Variants in RXRB observed in about 807,000 individuals in gnomAD.
The protein encoded by RXRB is retinoic acid receptor RXR-beta.
A neutral mutation model predicts 52.5 loss-of-function variants in RXRB; 18 were observed. That is an observed-to-expected ratio of 0.34 (90% CI 0.24 to 0.51). The LOEUF (loss-of-function observed/expected upper bound fraction) is 0.51. Among genes scored for constraint, RXRB ranks in the 20% least tolerant of loss-of-function variants. RXRB has a pLI of 0.97. For missense variants in RXRB, 455 were observed against 698.2 expected, an observed-to-expected ratio of 0.65 and a Z score of 3.92; for synonymous variants, 233 against 267.1, an observed-to-expected ratio of 0.87 and a Z score of 1.25.
Position 33,195,386 on chromosome 6 carries a change from C to T in RXRB, c.1325G>A (p.Arg442Lys). The T allele has an allele frequency of 6.2e-7, 1 of 1,611,746 alleles. No homozygotes were observed. Among genetic ancestry groups the T allele is most frequent in the Non-Finnish European group, 8.5e-7 (1 of 1,178,812 alleles). Residue 442 changes from arginine (R) to lysine (K), a missense_variant, in exon 8 of 10, where the codon AGG (arginine) becomes AAG (lysine). Physicochemically the swap from Arg to Lys is conservative, Grantham distance 26. Coordinates refer to ENST00000374680, the MANE Select transcript of RXRB (RefSeq NM_021976.5). This position sits in a 1 kb window ranked among gnomAD's most constrained non-coding sequence, Gnocchi z 8.6. The part of the protein sequence containing the change: ...RMDKTELGCL[R>K]AIILFNPDAK... The stretch of plus-strand genomic sequence containing the variant: ...ACCTGGATTAAACAGAATGATTGCC[C>T]TCAGGCAGCCAAGCTCTGTCTTGTC...
Position 33,194,477 on chromosome 6 carries a change from C to T in RXRB, c.*205G>A. 1 of 547,784 alleles carries T rather than the reference C, an allele frequency of 1.8e-6. No individual in the cohort carries two copies. Among genetic ancestry groups the T allele is most frequent in the East Asian group, 3.0e-5 (1 of 33,440 alleles). 33.9% of individuals were successfully genotyped at this position (547,784 alleles called of 1,614,324 possible). A position where few individuals can be genotyped will look rare whatever the true frequency, so the allele number is the denominator to read the frequency against. On this transcript the variant is annotated 3_prime_UTR_variant, in exon 10 of 10. Coordinates refer to ENST00000374680, the MANE Select transcript of RXRB (RefSeq NM_021976.5). The surrounding 1 kb of genome is among the most constrained non-coding windows in gnomAD (Gnocchi z 4.1). The stretch of plus-strand genomic sequence containing the variant: ...GAGACTCAAGGCCACCGAAGAGAGA[C>T]AACCAGTCCTCACAGGTATCTGGGG...
At chr6:33,200,831 G>C, upstream of RXRB, 13 of 1,512,278 alleles carry the variant, frequency 8.6e-6, no homozygotes, top group Non-Finnish European at 1.2e-5. The surrounding 1 kb of genome is among the most constrained non-coding windows in gnomAD (Gnocchi z 6.3). Flanking sequence ...CCGCCATATT[G>C]GTAAAGGCAT....
rs1467585309 is a variant in RXRB at position 33,200,118 on chromosome 6, G to A, written c.235+124C>T. The A allele has an allele frequency of 7.5e-7, 1 of 1,338,188 alleles. No individual in the cohort carries two copies. The highest frequency in any genetic ancestry group is 1.1e-6 in the Non-Finnish European group (1 of 944,736). The allele number at this position is 1,338,188 out of a possible 1,614,324, so 82.9% of individuals were successfully genotyped here. Reference sequence around the variant, plus strand: ...AGGGTGCTAAGGCCCTCGGGAGGGAGGGGACGCGTGTTTACAAACAAGGGG... The same window carrying A: ...AGGGTGCTAAGGCCCTCGGGAGGGAAGGGACGCGTGTTTACAAACAAGGGG... On this transcript the variant is annotated intron_variant, in intron 1 of 9. Transcript: ENST00000374680. The surrounding 1 kb of genome is among the most constrained non-coding windows in gnomAD (Gnocchi z 6.3).
chr6:33,196,056 G>T lies in RXRB; in HGVS notation c.994-20C>A, dbSNP rs747529817. On this transcript the variant is annotated intron_variant, in intron 5 of 9. Transcript: ENST00000374680. The surrounding 1 kb of genome is among the most constrained non-coding windows in gnomAD (Gnocchi z 4.0). ...ATTTGGCTGCAGGGGACGGGGGTAA[G>T]AGTTATGGAAGATTTTGAGATATGC... 20 of 1,612,616 alleles carry T rather than the reference G, an allele frequency of 1.2e-5. No individual in the cohort carries two copies. Among genetic ancestry groups the T allele is most frequent in the Non-Finnish European group, 1.7e-5 (20 of 1,179,708 alleles).
At position 33,195,253 on chromosome 6, in the gene RXRB, C is replaced by T; in HGVS notation, c.1348+110G>A. ...TTTCCTCGGCCAGTTGGGAGATTTC[C>T]AGGTTGAGGGTCTTACTGAGGGGGA... On this transcript the variant is annotated intron_variant, in intron 8 of 9. Transcript: ENST00000374680. This position sits in a 1 kb window ranked among gnomAD's most constrained non-coding sequence, Gnocchi z 8.6. 1 of 830,736 alleles carries T rather than the reference C, an allele frequency of 1.2e-6. No individual in the cohort carries two copies. Among genetic ancestry groups the T allele is most frequent in the Non-Finnish European group, 2.0e-6 (1 of 489,124 alleles). The allele number at this position is 830,736 out of a possible 1,614,324, so 51.5% of individuals were successfully genotyped here. A position where few individuals can be genotyped will look rare whatever the true frequency, so the allele number is the denominator to read the frequency against.
rs544921396 is a variant in RXRB at position 33,200,006 on chromosome 6, C to T, written c.235+236G>A. ...GGTTTAAGAGGAATCGTGCCCTTCC[C>T]AGGCCCGCGACCTCCGGTGCCCAAG... On this transcript the variant is annotated intron_variant, in intron 1 of 9. Transcript: ENST00000374680. The surrounding 1 kb of genome is among the most constrained non-coding windows in gnomAD (Gnocchi z 6.3). 2.1e-5 allele frequency: 16 copies of T among 775,210 alleles called. No homozygotes were observed. In the East Asian group the frequency reaches 3.9e-4, roughly 19 times the overall value. 48.0% of individuals were successfully genotyped at this position (775,210 alleles called of 1,614,324 possible).
At position 33,195,489 on chromosome 6, in the gene RXRB, A is replaced by G; in HGVS notation, c.1257-35T>C. On this transcript the variant is annotated intron_variant, in intron 7 of 9. Coordinates refer to ENST00000374680, the MANE Select transcript of RXRB (RefSeq NM_021976.5). The surrounding 1 kb of genome is among the most constrained non-coding windows in gnomAD (Gnocchi z 8.6). ...GACCTGCAGGTCACTCAAAGGTCAC[A>G]GCTCAGCCAGCCTTGGACACGGACC... 6.2e-7 allele frequency: 1 copy of G among 1,612,326 alleles called. No homozygotes were observed. The highest frequency in any genetic ancestry group is 8.5e-7 in the Non-Finnish European group (1 of 1,179,342).
At position 33,197,453 on chromosome 6, in the gene RXRB, G is replaced by A. The variant is rs541254482; in HGVS notation, c.820+309C>T. The stretch of plus-strand genomic sequence containing the variant: ...AGACAGAGACCAGAGAAGGTCCATG[G>A]AATCAGAGGAGGAACCACTCAGGTT... On this transcript the variant is annotated intron_variant, in intron 4 of 9. Coordinates refer to ENST00000374680, the MANE Select transcript of RXRB (RefSeq NM_021976.5). The surrounding 1 kb of genome is among the most constrained non-coding windows in gnomAD (Gnocchi z 4.4). 2.0e-5 allele frequency among the ~76,000 whole-genome samples: 3 copies of A among 152,322 alleles called. No individual in the cohort carries two copies. In the South Asian group the frequency reaches 6.2e-4, roughly 32 times the overall value.
rs1432568488 is a variant in RXRB at position 33,195,980 on chromosome 6, A to G, written c.1050T>C (p.Leu350=). 6.2e-7 allele frequency: 1 copy of G among 1,612,962 alleles called. No homozygotes were observed. Among genetic ancestry groups the G allele is most frequent in the Non-Finnish European group, 8.5e-7 (1 of 1,180,056 alleles). ...GTGGGATCCTCTTCGCCCACTCAAC[A>G]AGCGTGAATAGCTGTTTGTCAGCTG... ...CQAADKQLFT[L]VEWAKRIPHF... Residue 350 remains leucine (L), a synonymous_variant, in exon 6 of 10, where the codon CTT becomes CTC. Coordinates refer to ENST00000374680, the MANE Select transcript of RXRB (RefSeq NM_021976.5). The surrounding 1 kb of genome is among the most constrained non-coding windows in gnomAD (Gnocchi z 8.6).
At position 33,194,094 on chromosome 6, in the gene RXRB, C is replaced by G. The variant is rs1773668064; in HGVS notation, c.*588G>C. On this transcript the variant is annotated 3_prime_UTR_variant, in exon 10 of 10. Coordinates refer to ENST00000374680, the MANE Select transcript of RXRB (RefSeq NM_021976.5). The surrounding 1 kb of genome is among the most constrained non-coding windows in gnomAD (Gnocchi z 4.1). ...GATCGGTTCCTACATCTCCACCAGCCCCTTCACCACCACCACCACCTTTTT... is the reference window on the plus strand; with the variant it reads ...GATCGGTTCCTACATCTCCACCAGCGCCTTCACCACCACCACCACCTTTTT... 6.6e-6 allele frequency: 1 copy of G among 152,438 alleles called. No individual in the cohort carries two copies. Among genetic ancestry groups the G allele is most frequent in the Non-Finnish European group, 1.5e-5 (1 of 68,214 alleles). The allele number at this position is 152,438 out of a possible 1,614,324, so 9.4% of individuals were successfully genotyped here.
rs1420593294 is a variant in RXRB, at chr6:33,197,565, A to AG, written c.820+196dup. Among the ~76,000 whole-genome samples the AG allele has an allele frequency of 6.6e-6, 1 of 152,262 alleles. No homozygotes were observed. Among genetic ancestry groups the AG allele is most frequent in the Non-Finnish European group, 1.5e-5 (1 of 68,034 alleles). Reference sequence around the variant, plus strand: ...GGGAGGGGTCATATGTGCAGGCCACAGAGGCCTAACCATTAAGAAGGAAAC... The same window carrying AG: ...GGGAGGGGTCATATGTGCAGGCCACAGGAGGCCTAACCATTAAGAAGGAAAC... On this transcript the variant is annotated intron_variant, in intron 4 of 9. Coordinates refer to ENST00000374680, the MANE Select transcript of RXRB (RefSeq NM_021976.5). This position sits in a 1 kb window ranked among gnomAD's most constrained non-coding sequence, Gnocchi z 4.4.
chr6:33,195,121 A>G lies in RXRB; in HGVS notation c.1349-71T>C. The G allele has an allele frequency of 8.7e-7, 1 of 1,155,452 alleles. No individual in the cohort carries two copies. Among genetic ancestry groups the G allele is most frequent in the Non-Finnish European group, 1.3e-6 (1 of 769,498 alleles). 71.6% of individuals were successfully genotyped at this position (1,155,452 alleles called of 1,614,324 possible). A position where few individuals can be genotyped will look rare whatever the true frequency, so the allele number is the denominator to read the frequency against. ...AAATCAGGATGGCCATGCAGATGTG[A>G]GCCACAGGATGCCCCTTTTGGGCTG... On this transcript the variant is annotated intron_variant, in intron 8 of 9. Transcript: ENST00000374680. This position sits in a 1 kb window ranked among gnomAD's most constrained non-coding sequence, Gnocchi z 8.6.
At position 33,200,441 on chromosome 6, in the gene RXRB, C is replaced by T. The variant is rs763300024; in HGVS notation, c.36G>A (p.Gln12=). 3 of 1,592,222 alleles carry T rather than the reference C, an allele frequency of 1.9e-6. No homozygotes were observed. The East Asian group carries it at 6.8e-5, about 36-fold the overall frequency. ...SWAARPPFLP[Q]RHAAGQCGPV... ...GCCCACACTGCCCTGCGGCATGCCG[C>T]TGAGGGAGGAAGGGCGGGCGAGCGG... is the stretch of plus-strand genomic sequence containing the variant. The change falls in exon 1 of 10, where the codon CAG becomes CAA. Residue 12 remains glutamine (Q), a synonymous_variant. Transcript: ENST00000374680. This position sits in a 1 kb window ranked among gnomAD's most constrained non-coding sequence, Gnocchi z 6.3.
chr6:33,198,229 T>TC, intron 3 of RXRB, 79 bp downstream of exon 3: 1 of 1,602,600 alleles, frequency 6.2e-7, no homozygotes. Flanking sequence ...CTGACCAAAC[T>TC]CCATAAGCCC....
chr6:33,199,534 G>A (rs1774263448), intron 1 of RXRB, 118 bp from the exon 2 acceptor site: 1 of 812,434 alleles, frequency 1.2e-6, no homozygotes, highest in Non-Finnish European at 1.7e-6. Context: ...CCACCGTGCC[G>A]GACCCAGCCC....
Position 33,195,285 on chromosome 6 carries a change from G to T in RXRB, c.1348+78C>A. 1 of 951,638 alleles carries T rather than the reference G, an allele frequency of 1.1e-6. No homozygotes were observed. 58.9% of individuals were successfully genotyped at this position (951,638 alleles called of 1,614,324 possible). A position where few individuals can be genotyped will look rare whatever the true frequency, so the allele number is the denominator to read the frequency against. On this transcript the variant is annotated intron_variant, in intron 8 of 9. Transcript: ENST00000374680. This position sits in a 1 kb window ranked among gnomAD's most constrained non-coding sequence, Gnocchi z 8.6. ...AGGGTCTTACTGAGGGGGATAGCTG[G>T]GTAACTTAGGAGTCTCGGAGAAGAG...
In RXRB at chr6:33,195,882, G is replaced by A; in HGVS notation, c.1123+25C>T. The A allele has an allele frequency of 6.2e-7, 1 of 1,611,790 alleles. No individual in the cohort carries two copies. Among genetic ancestry groups the A allele is most frequent in the Non-Finnish European group, 8.5e-7 (1 of 1,179,924 alleles). On this transcript the variant is annotated intron_variant, in intron 6 of 9. Coordinates refer to ENST00000374680, the MANE Select transcript of RXRB (RefSeq NM_021976.5). The surrounding 1 kb of genome is among the most constrained non-coding windows in gnomAD (Gnocchi z 8.6). Reference sequence around the variant, plus strand: ...TCAAAGAGGGGTCAAATGTCAAGAAGTCAAAGGGATCCAAGGTCACTGACC... The same window carrying A: ...TCAAAGAGGGGTCAAATGTCAAGAAATCAAAGGGATCCAAGGTCACTGACC...
chr6:33,196,341 GA>G lies in RXRB; in HGVS notation c.993+92del. On this transcript the variant is annotated intron_variant, in intron 5 of 9. Coordinates refer to ENST00000374680, the MANE Select transcript of RXRB (RefSeq NM_021976.5). The surrounding 1 kb of genome is among the most constrained non-coding windows in gnomAD (Gnocchi z 4.0). ...TCCCAAGTAGTGTTAGGAAGGTTAT[GA>G]GGGGAAAGGAGGGGGAGGGGATGTA... 7.7e-7 allele frequency: 1 copy of G among 1,297,562 alleles called. No homozygotes were observed. 80.4% of individuals were successfully genotyped at this position (1,297,562 alleles called of 1,614,324 possible).
In RXRB at chr6:33,200,344, G is replaced by T; in HGVS notation, c.133C>A (p.Pro45Thr). ...RWRRRRPWLD[P>T]AAAAAAAVAG... Reference sequence around the variant, plus strand: ...ACCGCCGCCGCCGCCGCCGCTGCGGGATCCAGCCAGGGCCGTCGCCGCCGC... The same window carrying T: ...ACCGCCGCCGCCGCCGCCGCTGCGGTATCCAGCCAGGGCCGTCGCCGCCGC... Residue 45 changes from proline (P) to threonine (T), a missense_variant, in exon 1 of 10, where the codon CCC (proline) becomes ACC (threonine). By Grantham distance (38) the Pro-to-Thr change is conservative. Around this residue, in one of 4 missense-constraint regions of RXRB, gnomAD observed 225 missense variants for 258.6 expected, o/e 0.87. Coordinates refer to ENST00000374680, the MANE Select transcript of RXRB (RefSeq NM_021976.5). This position sits in a 1 kb window ranked among gnomAD's most constrained non-coding sequence, Gnocchi z 6.3. 1.3e-6 allele frequency: 2 copies of T among 1,580,918 alleles called. No homozygotes were observed. Among genetic ancestry groups the T allele is most frequent in the African/African-American group, 1.3e-5 (1 of 74,210 alleles).
Sources: gnomAD v4.1 joint callset for allele counts (sites outside exome capture counted in the v4.1 genomes callset) on GRCh38, gnomAD v4.1.1 for gene constraint, gnomAD v4.1.1 regional missense constraint, Gnocchi (gnomAD v3.1) non-coding constraint, MANE v1.5 for transcripts, NCBI Gene and HGNC (gene_info 2026-07-23, HGNC 2026-07-21) for gene names.